CCDC150: variants seen among roughly 807,000 people sequenced by gnomAD.
The protein encoded by CCDC150 is coiled-coil domain-containing protein 150.
A neutral mutation model predicts 156.5 loss-of-function variants in CCDC150; 151 were observed. That is an observed-to-expected ratio of 0.97 (90% CI 0.85 to 1.10). The LOEUF is 1.10. CCDC150 is among the 50% of genes least tolerant of loss of function. The probability of loss-of-function intolerance (pLI) is 0.00; values close to 1 mark genes in which losing one functional copy is unlikely to be tolerated. For synonymous variants in CCDC150, 452 were observed against 429.4 expected (o/e 1.05, Z -0.65); for missense variants, 1,312 against 1,268.1 (o/e 1.03, Z -0.53).
chr2:196,729,471 G>C, intron 23 of CCDC150, 84 bp downstream of exon 23: 1 of 1,356,794 alleles, frequency 7.4e-7, no homozygotes, highest in Non-Finnish European at 1.0e-6. Flanking sequence ...ACAGGTTTTA[G>C]AACCCTAGCA....
intron 15 of CCDC150, among the ~76,000 whole-genome samples, chr2:196,710,065 A>G (rs1039514509): frequency 7.2e-5 from 11 of 152,196 alleles, no homozygotes; most frequent in African/African-American, 2.7e-4. Flanking sequence ...AGGGACGTTT[A>G]AGTCTGCAGA....
At chr2:196,659,844 A>C (rs1338702930) in intron 5 of CCDC150, among the ~76,000 whole-genome samples, 1 of 152,204 alleles carries the variant, frequency 6.6e-6, no homozygotes, top group Admixed American at 6.5e-5. Context: ...TTAGTGAAAT[A>C]TGTTAAGATT....
chr2:196,681,175 A>G (rs1694796252), intron 13 of CCDC150, among the ~76,000 whole-genome samples: 2 of 152,160 alleles, frequency 1.3e-5, no homozygotes, highest in South Asian at 4.1e-4. Flanking sequence ...GGATTTACCT[A>G]TTCTGGATAT....
intron 1 of CCDC150, among the ~76,000 whole-genome samples, chr2:196,640,226 A>G (rs1692131379): frequency 1.3e-5 from 2 of 152,202 alleles, no homozygotes; most frequent in African/African-American, 4.8e-5. Flanking sequence ...CGGAATAGAC[A>G]TTCGTTAAAT....
chr2:196,703,512 C>G (rs749586609), intron 15 of CCDC150, among the ~76,000 whole-genome samples: 8 of 152,188 alleles, frequency 5.3e-5, no homozygotes, highest in Non-Finnish European at 1.0e-4. Context: ...GCACACCTCT[C>G]TTATCTACTT....
chr2:196,694,784 C>G (rs1695714550), intron 13 of CCDC150, among the ~76,000 whole-genome samples: 1 of 152,158 alleles, frequency 6.6e-6, no homozygotes, highest in African/African-American at 2.4e-5. Flanking sequence ...ATTGCTTGAA[C>G]CCGGGAGGCA....
At chr2:196,722,257 C>T (rs559841419) in intron 21 of CCDC150, among the ~76,000 whole-genome samples, 2 of 152,154 alleles carry the variant, frequency 1.3e-5, no homozygotes, top group Non-Finnish European at 2.9e-5. Flanking sequence ...GCAGTGTGCA[C>T]GTACATCTTT....
intron 2 of CCDC150, among the ~76,000 whole-genome samples, chr2:196,653,868 G>T (rs1181407224): frequency 2.0e-5 from 3 of 152,120 alleles, no homozygotes; most frequent in South Asian, 2.1e-4. Context: ...CAAATATTTG[G>T]CTCATAGTTT....
In CCDC150 at chr2:196,723,230, C is replaced by T. The variant is rs114611321; in HGVS notation, c.2429+1539C>T. 8.6e-3 allele frequency among the ~76,000 whole-genome samples: 1,315 copies of T among 152,230 alleles called. 21 individuals are homozygous for T. The highest frequency in any genetic ancestry group is 0.029 in the African/African-American group (1,206 of 41,524). On this transcript the variant is annotated intron_variant, in intron 21 of 27. Transcript: ENST00000389175. ...AAAGATAAAAGCTAAACGCCGGGTG[C>T]GGTGGCTCACACCTGTAATCCCAGT...
At chr2:196,681,335 G>GCACA (rs1214973916) in intron 13 of CCDC150, among the ~76,000 whole-genome samples, 1 of 151,896 alleles carries the variant, frequency 6.6e-6, no homozygotes, top group Non-Finnish European at 1.5e-5. Flanking sequence ...GTATGTGCAC[G>GCACA]CACACACACA....
intron 7 of CCDC150, among the ~76,000 whole-genome samples, chr2:196,669,425 A>G (rs1287833573): frequency 6.6e-6 from 1 of 152,194 alleles, no homozygotes; most frequent in Non-Finnish European, 1.5e-5. Context: ...ACTGTTTCAC[A>G]GATCTGTTTT....
intron 15 of CCDC150, among the ~76,000 whole-genome samples, chr2:196,706,421 A>G (rs545910915): frequency 1.7e-4 from 26 of 152,350 alleles, no homozygotes; most frequent in Middle Eastern, 3.4e-3. Flanking sequence ...GGCTGAGACA[A>G]TGGGGTTTTC....
At chr2:196,725,005 G>GT (rs1328705127) in intron 21 of CCDC150, among the ~76,000 whole-genome samples, 1 of 152,206 alleles carries the variant, frequency 6.6e-6, no homozygotes, top group Non-Finnish European at 1.5e-5. Flanking sequence ...GACAGTTGCA[G>GT]TTACCACCTG....
At chr2:196,717,032 TTTTTTA>T (rs1412472432) in intron 17 of CCDC150, among the ~76,000 whole-genome samples, 1 of 150,878 alleles carries the variant, frequency 6.6e-6, no homozygotes, top group African/African-American at 2.4e-5. Flanking sequence ...AGCTAATTTA[TTTTTTA>T]TTTTTATTTT....
chr2:196,724,445 A>G (rs531391801), intron 21 of CCDC150, among the ~76,000 whole-genome samples: 3 of 152,310 alleles, frequency 2.0e-5, no homozygotes, highest in Non-Finnish European at 4.4e-5. Context: ...GATGATGATG[A>G]TGACAGTAGC....
chr2:196,715,552 G>A (rs946553640), intron 17 of CCDC150, among the ~76,000 whole-genome samples: 6 of 152,168 alleles, frequency 3.9e-5, no homozygotes, highest in Non-Finnish European at 8.8e-5. Context: ...TAATGTGAAT[G>A]TACTACCCAT....
intron 13 of CCDC150, among the ~76,000 whole-genome samples, chr2:196,685,968 C>G (rs913076361): frequency 3.3e-5 from 5 of 152,054 alleles, no homozygotes; most frequent in Admixed American, 1.3e-4. Flanking sequence ...GCCTTCTGGC[C>G]TCAACTTTCT....
chr2:196,696,685 C>T (rs1466215088), intron 14 of CCDC150, among the ~76,000 whole-genome samples: 1 of 152,148 alleles, frequency 6.6e-6, no homozygotes, highest in Admixed American at 6.5e-5. Flanking sequence ...GGAAATGCTT[C>T]GGTTGGCTAT....
chr2:196,718,833 G>GT lies in CCDC150; in HGVS notation c.1995+212dup, dbSNP rs370826728. 2.5e-3 allele frequency among the ~76,000 whole-genome samples: 379 copies of GT among 148,932 alleles called. 2 individuals are homozygous for GT. The highest frequency in any genetic ancestry group is 4.0e-3 in the Non-Finnish European group (266 of 66,968). On this transcript the variant is annotated intron_variant, in intron 18 of 27. Transcript: ENST00000389175. ...ACATTATATGTATCTAACTCCCAAT[G>GT]TTTTTTTTTTAACTTTCTGTCTTAA...
Sources: gnomAD v4.1 joint callset for allele counts (sites outside exome capture counted in the v4.1 genomes callset) on GRCh38, gnomAD v4.1.1 for gene constraint, MANE v1.5 for transcripts, NCBI Gene and HGNC (gene_info 2026-07-23, HGNC 2026-07-21) for gene names.